NBPF11: variants seen among roughly 807,000 people sequenced by gnomAD.
NBPF11 encodes the protein NBPF family member NBPF11.
A neutral mutation model predicts 93.9 loss-of-function variants in NBPF11; 72 were observed. The observed-to-expected ratio is 0.77, with a 90% CI of 0.63 to 0.93. The LOEUF is 0.93. Among genes scored for constraint, NBPF11 ranks in the 40% least tolerant of loss-of-function variants. NBPF11 has a pLI of 0.00. For missense variants in NBPF11, 705 were observed against 802.2 expected, an observed-to-expected ratio of 0.88 and a Z score of 1.46; for synonymous variants, 224 against 304.9, an observed-to-expected ratio of 0.73 and a Z score of 2.76.
At chr1:148,134,794 G>A (rs1236713054) in intron 4 of NBPF11, among the ~76,000 whole-genome samples, 1 of 151,892 alleles carries the variant, frequency 6.6e-6, no homozygotes, top group Non-Finnish European at 1.5e-5. Context: ...CCAGGCTGAG[G>A]GACGATGCAA....
At chr1:148,118,486 T>G (rs1458465418) in intron 11 of NBPF11, 134 bp downstream of exon 11, 13 of 752,768 alleles carry the variant, frequency 1.7e-5, no homozygotes, top group Non-Finnish European at 2.8e-5. Context: ...TAAATATTTG[T>G]GTGTAGCAAA....
At chr1:148,146,867 C>T in intron 1 of NBPF11, 2 of 1,613,750 alleles carry the variant, frequency 1.2e-6, no homozygotes, top group Non-Finnish European at 8.5e-7. Context: ...GGCAGGCCTT[C>T]CGAGAGGAAC....
chr1:148,150,532 T>A (rs1272300490), intron 1 of NBPF11, among the ~76,000 whole-genome samples: 2 of 151,434 alleles, frequency 1.3e-5, no homozygotes, highest in African/African-American at 4.9e-5. Context: ...GAGCTTTTGG[T>A]TCACTGGTGA....
chr1:148,121,681 C>T (rs1482578579), intron 9 of NBPF11, among the ~76,000 whole-genome samples: 1 of 151,818 alleles, frequency 6.6e-6, no homozygotes, highest in African/African-American at 2.4e-5. Flanking sequence ...TAAGACAAGC[C>T]AATGAAAAGG....
chr1:148,129,718 T>G (rs1443183852), intron 4 of NBPF11: 1 of 179,420 alleles, frequency 5.6e-6, no homozygotes, highest in Non-Finnish European at 1.2e-5. Context: ...TGCTGCAGGA[T>G]GGGGAATTGA....
intron 4 of NBPF11, among the ~76,000 whole-genome samples, chr1:148,130,999 T>C (rs2149264348): frequency 6.6e-6 from 1 of 152,012 alleles, no homozygotes; most frequent in East Asian, 1.9e-4. Context: ...CATGTATGTT[T>C]GTACTTTCAC....
chr1:148,103,644 C>T lies in NBPF11; in HGVS notation c.*252G>A. The T allele has an allele frequency of 1.2e-6, 2 of 1,611,062 alleles. No individual in the cohort carries two copies. The highest frequency in any genetic ancestry group is 1.7e-5 in the Admixed American group (1 of 60,004). ...CTATAGGTCCTGCCTGCAGGAATGA[C>T]ACCTCTCGGCTTAGTAAGGGCTGCT... On this transcript the variant is annotated 3_prime_UTR_variant, in exon 24 of 24. Transcript: ENST00000682118.
At chr1:148,117,131 T>G (rs1486713839) in intron 12 of NBPF11, among the ~76,000 whole-genome samples, 3 of 152,002 alleles carry the variant, frequency 2.0e-5, no homozygotes, top group South Asian at 4.1e-4. Flanking sequence ...ATTTGAATGC[T>G]TCAGACCTTG....
chr1:148,123,792 G>A, intron 7 of NBPF11, 61 bp downstream of exon 7: 1 of 1,511,202 alleles, frequency 6.6e-7, no homozygotes, highest in Non-Finnish European at 9.2e-7. Flanking sequence ...TGAAAGTATG[G>A]AGGTCTGGAG....
intron 10 of NBPF11, among the ~76,000 whole-genome samples, chr1:148,119,714 G>A (rs1330815400): frequency 8.6e-5 from 13 of 151,796 alleles, no homozygotes; most frequent in Non-Finnish European, 1.3e-4. Flanking sequence ...GGAGTGCAAC[G>A]GCAAAATCTT....
chr1:148,148,581 C>T (rs1175001088), intron 1 of NBPF11, among the ~76,000 whole-genome samples: 2 of 151,944 alleles, frequency 1.3e-5, no homozygotes, highest in African/African-American at 4.8e-5. Flanking sequence ...CCGCAGCCAC[C>T]ACCCTCGATG....
chr1:148,149,749 G>A (rs1273297920), intron 1 of NBPF11, among the ~76,000 whole-genome samples: 1,746 of 141,664 alleles, frequency 0.012, 62 homozygotes, highest in African/African-American at 0.044. Flanking sequence ...TTGGAAGCAA[G>A]AAGAAAATAC....
At chr1:148,104,003 T>C (rs1243023888) in intron 23 of NBPF11, 91 bp from the exon 24 acceptor site, 36,011 of 1,607,212 alleles carry the variant, frequency 0.022, 577 homozygotes, top group Non-Finnish European at 0.028. Flanking sequence ...AAGGAAGTGG[T>C]TGGAAAAGAA....
intron 2 of NBPF11, among the ~76,000 whole-genome samples, chr1:148,141,941 AAG>A (rs1672232394): frequency 6.8e-6 from 1 of 148,014 alleles, no homozygotes; most frequent in Non-Finnish European, 1.5e-5. Context: ...AGGAAAGAAA[AAG>A]AGAGAGCATG....
intron 2 of NBPF11, among the ~76,000 whole-genome samples, chr1:148,143,181 A>AC (rs1461783553): frequency 1.3e-5 from 2 of 151,982 alleles, no homozygotes; most frequent in Admixed American, 6.5e-5. Flanking sequence ...TGAAGAGAAC[A>AC]TGTCCTCTCC....
At chr1:148,130,938 C>A (rs1670220263) in intron 4 of NBPF11, among the ~76,000 whole-genome samples, 1 of 151,736 alleles carries the variant, frequency 6.6e-6, no homozygotes, top group Non-Finnish European at 1.5e-5. Context: ...TTTTAAAATC[C>A]ATCTGTAATG....
chr1:148,146,904 G>A (rs1282049044), intron 1 of NBPF11: 2 of 1,612,288 alleles, frequency 1.2e-6, no homozygotes, highest in East Asian at 2.2e-5. Context: ...ACGCCACCTG[G>A]CAGGCCCTGC....
intron 3 of NBPF11, among the ~76,000 whole-genome samples, chr1:148,136,058 T>C (rs1422975097): frequency 6.6e-6 from 1 of 151,844 alleles, no homozygotes; most frequent in Admixed American, 6.6e-5. Context: ...TTAGAAAAAA[T>C]TACATGTATA....
intron 1 of NBPF11, among the ~76,000 whole-genome samples, chr1:148,148,888 C>G (rs1647446709): frequency 1.3e-5 from 2 of 151,552 alleles, no homozygotes; most frequent in African/African-American, 4.9e-5. Flanking sequence ...CCCAGGGGCA[C>G]TCCGTAGGCA....
Sources: gnomAD v4.1 joint callset for allele counts (sites outside exome capture counted in the v4.1 genomes callset) on GRCh38, gnomAD v4.1.1 for gene constraint, MANE v1.5 for transcripts, NCBI Gene and HGNC (gene_info 2026-07-23, HGNC 2026-07-21) for gene names.